The following DNAJC27 variants were observed in gnomAD, a reference collection of about 807,000 sequenced individuals.
DNAJC27 encodes the protein dnaJ homolog subfamily C member 27.
DNAJC27 carries 25 observed loss-of-function variants against 31.4 expected under a neutral mutation model. The ratio of observed to expected loss-of-function variants is 0.80; its 90% CI spans 0.58 to 1.11. The LOEUF (loss-of-function observed/expected upper bound fraction) is 1.11, where lower values mean the gene tolerates loss of function less well. DNAJC27 is among the 50% of genes most tolerant of loss of function. The pLI is 0.00. For synonymous variants in DNAJC27, 106 were observed against 112.7 expected (o/e 0.94, Z 0.37); for missense variants, 356 against 347.3 (o/e 1.02, Z -0.20).
chr2:24,963,208 C>T (rs946795893), intron 3 of DNAJC27, 197 bp downstream of exon 3: 1 of 405,750 alleles, frequency 2.5e-6, no homozygotes, highest in Non-Finnish European at 4.4e-6. Flanking sequence ...AATGAAATTT[C>T]CTACCACTAT....
intron 2 of DNAJC27, among the ~76,000 whole-genome samples, chr2:24,966,903 A>T (rs1455284703): frequency 6.6e-6 from 1 of 152,238 alleles, no homozygotes; most frequent in Non-Finnish European, 1.5e-5. Context: ...AGGACCTGCT[A>T]ATATAAAAAC....
In DNAJC27 at chr2:24,967,268, T is replaced by G; in HGVS notation, c.113A>C (p.Glu38Ala). 6.2e-7 allele frequency: 1 copy of G among 1,613,712 alleles called. No homozygotes were observed. Among genetic ancestry groups the G allele is most frequent in the Non-Finnish European group, 8.5e-7 (1 of 1,179,660 alleles). ...CAGGTATTTAGACACGAATCTTTTCTCACAGTATCGCTTTATAATACAGCT... is the reference window on the plus strand; with the variant it reads ...CAGGTATTTAGACACGAATCTTTTCGCACAGTATCGCTTTATAATACAGCT... The part of the protein sequence containing the change: ...GKSCIIKRYC[E>A]KRFVSKYLAT... The change falls in exon 2 of 7, where the codon GAG (glutamate) becomes GCG (alanine). Residue 38 changes from glutamate (E) to alanine (A), a missense_variant. Physicochemically the swap from Glu to Ala is moderately radical, Grantham distance 107. Transcript: ENST00000264711.
intron 1 of DNAJC27, chr2:24,969,119 A>C (rs1279192765): frequency 1.0e-5 from 2 of 191,910 alleles, no homozygotes; most frequent in Non-Finnish European, 2.3e-5. Flanking sequence ...AATGGTAGAG[A>C]TCTTCAGGGA....
intron 3 of DNAJC27, among the ~76,000 whole-genome samples, chr2:24,958,317 T>C (rs1319367335): frequency 2.0e-5 from 3 of 151,966 alleles, no homozygotes; most frequent in Non-Finnish European, 4.4e-5. Context: ...GGAAGGTGAG[T>C]GAGCAATTCA....
chr2:24,950,249 A>G (rs1369583239), intron 6 of DNAJC27, among the ~76,000 whole-genome samples: 1 of 152,154 alleles, frequency 6.6e-6, no homozygotes, highest in Non-Finnish European at 1.5e-5. Flanking sequence ...CTGGACTTGA[A>G]GATACGCTGT....
intron 1 of DNAJC27, chr2:24,971,478 C>T (rs1032911521): frequency 5.2e-6 from 1 of 190,644 alleles, no homozygotes; most frequent in Non-Finnish European, 1.1e-5. Context: ...CCTCCATCTC[C>T]CGGTCCCGGA....
intron 3 of DNAJC27, among the ~76,000 whole-genome samples, chr2:24,962,277 T>C (rs114940913): frequency 1.1e-3 from 162 of 152,214 alleles, no homozygotes; most frequent in Non-Finnish European, 1.7e-3. Flanking sequence ...ACTCTCTTTT[T>C]TGAGATGGAG....
chr2:24,971,629 G>A (rs1041769378), intron 1 of DNAJC27, 189 bp downstream of exon 1: 5 of 502,366 alleles, frequency 1.0e-5, no homozygotes, highest in Non-Finnish European at 1.8e-5. Context: ...CGGAGGACGA[G>A]GGGGCAACGG....
intron 1 of DNAJC27, 51 bp from the exon 2 acceptor site, chr2:24,967,344 T>C (rs780808886): frequency 2.5e-6 from 3 of 1,217,650 alleles, no homozygotes; most frequent in South Asian, 1.2e-5. Context: ...TGAGAACACA[T>C]ACAGAATAAG....
chr2:24,948,958 T>C (rs779432611), intron 6 of DNAJC27, among the ~76,000 whole-genome samples: 4 of 152,250 alleles, frequency 2.6e-5, no homozygotes, highest in Non-Finnish European at 5.9e-5. Flanking sequence ...CCAAGTCAGA[T>C]GGCCTTTGAT....
chr2:24,955,742 G>A (rs934513838), intron 5 of DNAJC27, among the ~76,000 whole-genome samples: 1 of 152,196 alleles, frequency 6.6e-6, no homozygotes, highest in African/African-American at 2.4e-5. Flanking sequence ...AACATCTCAT[G>A]ACACACAATG....
chr2:24,967,785 T>G (rs990276004), intron 1 of DNAJC27, among the ~76,000 whole-genome samples: 2 of 152,106 alleles, frequency 1.3e-5, no homozygotes, highest in African/African-American at 4.8e-5. Flanking sequence ...ATTCTTCCCT[T>G]ATTACTAAAT....
intron 1 of DNAJC27, among the ~76,000 whole-genome samples, chr2:24,970,035 T>G (rs1666289157): frequency 6.6e-6 from 1 of 152,214 alleles, no homozygotes. Flanking sequence ...CCTAAGTAAT[T>G]TATCTCCCTT....
At chr2:24,956,668 A>G (rs992230923) in intron 5 of DNAJC27, among the ~76,000 whole-genome samples, 21 of 152,224 alleles carry the variant, frequency 1.4e-4, no homozygotes, top group African/African-American at 5.1e-4. Context: ...GCAGTGTATA[A>G]TAACTTTTGT....
intron 2 of DNAJC27, among the ~76,000 whole-genome samples, chr2:24,966,542 T>C (rs1230262474): frequency 1.3e-5 from 2 of 152,112 alleles, no homozygotes; most frequent in Non-Finnish European, 2.9e-5. Flanking sequence ...CACTGCAACC[T>C]CTGCCTCCCG....
intron 1 of DNAJC27, among the ~76,000 whole-genome samples, chr2:24,968,118 A>G (rs1666236268): frequency 6.6e-6 from 1 of 152,144 alleles, no homozygotes. Context: ...AGTAAAAAGT[A>G]CTCACTTCAC....
Position 24,957,928 on chromosome 2 carries a change from T to C in DNAJC27, c.287A>G (p.Tyr96Cys), listed in dbSNP as rs550555089. The change falls in exon 4 of 7, where the codon TAT becomes TGT. Residue 96 changes from tyrosine to cysteine, a missense_variant. Physicochemically the swap from Tyr to Cys is radical, Grantham distance 194. Coordinates refer to ENST00000264711, the MANE Select transcript of DNAJC27 (RefSeq NM_016544.3). ...AAAGGAGTCTTTCTGCCCAACATCA[T>C]AGACCAGTATCACACCCTGTGTGTC... ...YKDTQGVILV[Y>C]DVGQKDSFDA... The C allele has an allele frequency of 2.8e-5, 46 of 1,614,184 alleles. No homozygotes were observed. Among genetic ancestry groups the C allele is most frequent in the South Asian group, 1.6e-4 (15 of 91,086 alleles).
At chr2:24,951,579 G>A (rs1332376622) in intron 5 of DNAJC27, 25 bp from the exon 6 acceptor site, 3 of 1,571,956 alleles carry the variant, frequency 1.9e-6, no homozygotes, top group Non-Finnish European at 2.6e-6. Flanking sequence ...CATAACCCAG[G>A]GTAGAAATGA....
intron 6 of DNAJC27, among the ~76,000 whole-genome samples, chr2:24,949,946 T>TTTC (rs1665727999): frequency 6.6e-6 from 1 of 151,650 alleles, no homozygotes; most frequent in South Asian, 2.1e-4. Context: ...CTTTTTTTTT[T>TTTC]TTCATAAATG....
Sources: gnomAD v4.1 joint callset for allele counts (sites outside exome capture counted in the v4.1 genomes callset) on GRCh38, gnomAD v4.1.1 for gene constraint, MANE v1.5 for transcripts, NCBI Gene and HGNC (gene_info 2026-07-23, HGNC 2026-07-21) for gene names.